The following NGFR variants were observed in gnomAD, a reference collection of about 807,000 sequenced individuals.
NGFR encodes the protein nerve growth factor receptor.
In NGFR, 30 loss-of-function variants were observed where a neutral mutation model predicts 43.2. The ratio of observed to expected loss-of-function variants is 0.69; its 90% confidence interval spans 0.52 to 0.94. The LOEUF (loss-of-function observed/expected upper bound fraction) is 0.94, where lower values mean the gene tolerates loss of function less well. Ranked by LOEUF, NGFR falls within the 40% of genes least tolerant of loss-of-function variation. NGFR has a pLI of 0.00. For synonymous variants in NGFR, 246 were observed against 259.6 expected, an observed-to-expected ratio of 0.95 and a Z score of 0.50; for missense variants, 529 against 602.5, an observed-to-expected ratio of 0.88 and a Z score of 1.28.
At chr17:49,504,717 C>T (rs1486613004) in intron 2 of NGFR, among the ~76,000 whole-genome samples, 2 of 151,140 alleles carry the variant, frequency 1.3e-5, no homozygotes, top group African/African-American at 4.9e-5. Context: ...CCCTCCAGGC[C>T]CTTCTTCCTG....
intron 2 of NGFR, 85 bp downstream of exon 2, chr17:49,502,289 T>G (rs1199277971): frequency 4.1e-6 from 6 of 1,446,340 alleles, no homozygotes; most frequent in Non-Finnish European, 5.6e-6. Flanking sequence ...GGGAGAAGCA[T>G]GCCCAGTAGA....
At chr17:49,497,943 C>G (rs1191426554) in intron 1 of NGFR, 1 of 152,400 alleles carries the variant, frequency 6.6e-6, no homozygotes, top group East Asian at 1.9e-4. Context: ...CGTGGGGAGG[C>G]GGGAATAATC....
At chr17:49,499,782 T>C (rs1274411515) in intron 1 of NGFR, among the ~76,000 whole-genome samples, 1 of 151,602 alleles carries the variant, frequency 6.6e-6, no homozygotes, top group Non-Finnish European at 1.5e-5. Context: ...AGAGATGGGG[T>C]TTCACCATGT....
At chr17:49,502,001 C>CGG in intron 1 of NGFR, 62 bp from the exon 2 acceptor site, 7 of 221,816 alleles carry the variant, frequency 3.2e-5, no homozygotes, top group Non-Finnish European at 6.4e-5. Context: ...CCCGGAAGAA[C>CGG]CCCCCCCAAC....
intron 1 of NGFR, chr17:49,497,726 T>C (rs560816268): frequency 1.3e-5 from 2 of 152,400 alleles, no homozygotes; most frequent in South Asian, 4.1e-4. Context: ...GGAGGCACTT[T>C]GTCATTCAGA....
rs1243893934 is a variant in NGFR at position 49,512,106 on chromosome 17, A to G, written c.982+54A>G. The G allele has an allele frequency of 2.1e-5, 33 of 1,582,494 alleles. No homozygotes were observed. The highest frequency in any genetic ancestry group is 2.8e-5 in the Non-Finnish European group (33 of 1,163,540). ...GCGGAGCTGAGGCTGAGGAAACAGA[A>G]GCAATTAAGATTAGACTCCAGGAAG... On this transcript the variant is annotated intron_variant, in intron 5 of 5. Coordinates refer to ENST00000172229, the MANE Select transcript of NGFR (RefSeq NM_002507.4). This position sits in a 1 kb window ranked among gnomAD's most constrained non-coding sequence, Gnocchi z 5.2.
intron 1 of NGFR, chr17:49,497,015 G>A (rs1349718773): frequency 6.6e-6 from 1 of 152,252 alleles, no homozygotes; most frequent in East Asian, 1.9e-4. Context: ...CTGAGGCTCT[G>A]AGAGTTTAAA....
At chr17:49,502,280 G>C (rs1245867408) in intron 2 of NGFR, 76 bp downstream of exon 2, 1 of 1,477,952 alleles carries the variant, frequency 6.8e-7, no homozygotes, top group Non-Finnish European at 9.1e-7. Flanking sequence ...GGGGCGCTGG[G>C]GAGAAGCATG....
At position 49,502,059 on chromosome 17, in the gene NGFR, C is replaced by T. The variant is rs9895558; in HGVS notation, c.67-4C>T. On this transcript the variant is annotated splice_region_variant and splice_polypyrimidine_tract_variant and intron_variant, in intron 1 of 5. Coordinates refer to ENST00000172229, the MANE Select transcript of NGFR (RefSeq NM_002507.4). Reference sequence around the variant, plus strand: ...GTCTGACCCTCCGATCTCCCTCCATCCAGGTGTCCCTTGGAGGTGCCAAGG... The same window carrying T: ...GTCTGACCCTCCGATCTCCCTCCATTCAGGTGTCCCTTGGAGGTGCCAAGG... 570 of 1,340,598 alleles carry T rather than the reference C, an allele frequency of 4.3e-4. 4 individuals are homozygous for T. In the African/African-American group the frequency reaches 7.6e-3, roughly 18 times the overall value. The allele number at this position is 1,340,598 out of a possible 1,614,324, so 83.0% of individuals were successfully genotyped here. A position where few individuals can be genotyped will look rare whatever the true frequency, so the allele number is the denominator to read the frequency against.
intron 1 of NGFR, among the ~76,000 whole-genome samples, chr17:49,500,034 G>C (rs2071158620): frequency 6.7e-6 from 1 of 149,384 alleles, no homozygotes; most frequent in South Asian, 2.1e-4. Context: ...CAGGAAGGGA[G>C]GAAACAGAAA....
intron 3 of NGFR, 43 bp downstream of exon 3, chr17:49,506,701 T>TGGGGGGGGGGGGGGGG: frequency 2.7e-5 from 4 of 148,982 alleles, no homozygotes; most frequent in Admixed American, 1.2e-4. Flanking sequence ...GGTGCGGGGG[T>TGGGGGGGGGGGGGGGG]GGGCTGGGGG....
rs1055502169 is a variant in NGFR at position 49,495,333 on chromosome 17, G to C, written c.-85G>C. On this transcript the variant is annotated 5_prime_UTR_variant, in exon 1 of 6. Transcript: ENST00000172229. This position sits in a 1 kb window ranked among gnomAD's most constrained non-coding sequence, Gnocchi z 6.4. Reference sequence around the variant, plus strand: ...GCGGCCAGCTCCGGCGGGCAGGGGGGGCGCTGGAGCGCAGCGCAGCGCAGC... The same window carrying C: ...GCGGCCAGCTCCGGCGGGCAGGGGGCGCGCTGGAGCGCAGCGCAGCGCAGC... The C allele has an allele frequency of 6.4e-6, 7 of 1,086,716 alleles. No homozygotes were observed. The highest frequency in any genetic ancestry group is 3.3e-5 in the East Asian group (1 of 30,620). 67.3% of individuals were successfully genotyped at this position (1,086,716 alleles called of 1,614,324 possible). A position where few individuals can be genotyped will look rare whatever the true frequency, so the allele number is the denominator to read the frequency against.
At chr17:49,505,868 A>C in intron 2 of NGFR, 1 of 168,340 alleles carries the variant, frequency 5.9e-6, no homozygotes. Flanking sequence ...GAGGCTCCCT[A>C]GGGGAAGGCC....
intron 1 of NGFR, among the ~76,000 whole-genome samples, chr17:49,500,363 G>A (rs1467788626): frequency 6.6e-6 from 1 of 152,208 alleles, no homozygotes; most frequent in Admixed American, 6.5e-5. Flanking sequence ...AACTCCACGC[G>A]TGTATGCATT....
In NGFR at chr17:49,510,584, C is replaced by A. The variant is rs745972759; in HGVS notation, c.741C>A (p.Thr247=). Reference sequence around the variant, plus strand: ...CCCAGCCCGTGGTGACCCGAGGCACCACCGACAACCTCATCCCTGTCTATT... The same window carrying A: ...CCCAGCCCGTGGTGACCCGAGGCACAACCGACAACCTCATCCCTGTCTATT... ...GSSQPVVTRG[T]TDNLIPVYCS... The change falls in exon 4 of 6, where the codon ACC becomes ACA. Residue 247 remains threonine (T), a synonymous_variant. Coordinates refer to ENST00000172229, the MANE Select transcript of NGFR (RefSeq NM_002507.4). 2 of 1,614,098 alleles carry A rather than the reference C, an allele frequency of 1.2e-6. No individual in the cohort carries two copies. Among genetic ancestry groups the A allele is most frequent in the Non-Finnish European group, 1.7e-6 (2 of 1,180,000 alleles).
chr17:49,499,600 T>C (rs956728761), intron 1 of NGFR, among the ~76,000 whole-genome samples: 5 of 152,194 alleles, frequency 3.3e-5, no homozygotes, highest in South Asian at 2.1e-4. Flanking sequence ...TTTATTTATT[T>C]ATTTTGAGAC....
chr17:49,503,576 C>G (rs949622125), intron 2 of NGFR, among the ~76,000 whole-genome samples: 1 of 152,200 alleles, frequency 6.6e-6, no homozygotes, highest in Non-Finnish European at 1.5e-5. Flanking sequence ...TCTATCTGTC[C>G]TCCAGGCAAC....
intron 3 of NGFR, among the ~76,000 whole-genome samples, chr17:49,508,280 G>A (rs961793055): frequency 3.9e-5 from 6 of 152,210 alleles, no homozygotes; most frequent in Non-Finnish European, 8.8e-5. Flanking sequence ...ACTTGGGGGC[G>A]CTGCTAGAGC....
chr17:49,509,785 A>G (rs868518139), intron 3 of NGFR, among the ~76,000 whole-genome samples: 10 of 152,142 alleles, frequency 6.6e-5, no homozygotes, highest in Non-Finnish European at 1.3e-4. Context: ...GAGGCAATCC[A>G]GCTGCCCCCG....
Sources: allele counts gnomAD v4.1 joint callset (sites outside exome capture counted in the v4.1 genomes callset), GRCh38; gene constraint gnomAD v4.1.1; non-coding constraint Gnocchi (gnomAD v3.1); transcripts MANE v1.5; gene names NCBI Gene and HGNC (gene_info 2026-07-23, HGNC 2026-07-21).